The following FNDC3A variants were observed in gnomAD, a reference collection of about 807,000 sequenced individuals.
FNDC3A encodes the protein fibronectin type-III domain-containing protein 3A.
Under a neutral mutation model 148.9 loss-of-function variants are expected in FNDC3A, and 32 were observed. The ratio of observed to expected loss-of-function variants is 0.21; its 90% CI spans 0.16 to 0.29. The LOEUF (loss-of-function observed/expected upper bound fraction) is 0.29, where lower values mean the gene tolerates loss of function less well. Ranked by LOEUF, FNDC3A falls within the 10% of genes least tolerant of loss-of-function variation. FNDC3A has a pLI of 1.00. For missense variants in FNDC3A, 1,191 were observed against 1,452.8 expected (o/e 0.82, Z 2.93); for synonymous variants, 472 against 473.6 (o/e 1.00, Z 0.04).
chr13:49,161,137 CAG>C (rs1884082574), intron 8 of FNDC3A, among the ~76,000 whole-genome samples: 1 of 152,028 alleles, frequency 6.6e-6, no homozygotes, highest in Non-Finnish European at 1.5e-5. Flanking sequence ...CTATTAGGTC[CAG>C]TTGGTGCAGA....
At chr13:49,012,491 G>A (rs2137614229) in intron 2 of FNDC3A, among the ~76,000 whole-genome samples, 1 of 152,142 alleles carries the variant, frequency 6.6e-6, no homozygotes, top group South Asian at 2.1e-4. Flanking sequence ...TCTTTGAGAA[G>A]GTCTTGGTAT....
At chr13:49,073,790 T>TTA (rs567675321) in intron 2 of FNDC3A, among the ~76,000 whole-genome samples, 280 of 146,478 alleles carry the variant, frequency 1.9e-3, no homozygotes, top group Admixed American at 5.5e-3. Flanking sequence ...TGTGTATATA[T>TTA]TATATATATG....
chr13:49,188,550 A>G lies in FNDC3A; in HGVS notation c.1861A>G (p.Arg621Gly). 6.2e-7 allele frequency: 1 copy of G among 1,613,900 alleles called. No homozygotes were observed. ...KWEMIYSGAT[R>G]EHLCDRLNPG... ...GGAAATGATATACAGTGGTGCTACC[A>G]GGGAACATCTTTGTGATCGACTGAA... Residue 621 changes from arginine to glycine, a missense_variant, in exon 17 of 26, where the codon AGG becomes GGG. Coordinates refer to ENST00000492622, the MANE Select transcript of FNDC3A (RefSeq NM_001079673.2).
intron 8 of FNDC3A, among the ~76,000 whole-genome samples, chr13:49,158,012 A>C (rs563467913): frequency 3.3e-4 from 50 of 151,534 alleles, no homozygotes; most frequent in African/African-American, 1.0e-3. Context: ...GAGCCTACAG[A>C]GGCAGGCAGG....
At chr13:49,168,518 G>A (rs376719338) in intron 9 of FNDC3A, 95 bp from the exon 10 acceptor site, 3 of 736,706 alleles carry the variant, frequency 4.1e-6, no homozygotes, top group South Asian at 3.3e-5. Flanking sequence ...ACTTTTAGTG[G>A]ACACCTTCCT....
At chr13:49,144,586 TCA>T (rs1177052006) in intron 7 of FNDC3A, among the ~76,000 whole-genome samples, 2 of 152,242 alleles carry the variant, frequency 1.3e-5, no homozygotes, top group Non-Finnish European at 2.9e-5. Context: ...GGTACCTTTC[TCA>T]CCAATCTGTA....
At chr13:49,054,941 T>C (rs1298400455) in intron 2 of FNDC3A, among the ~76,000 whole-genome samples, 1 of 152,216 alleles carries the variant, frequency 6.6e-6, no homozygotes, top group African/African-American at 2.4e-5. Context: ...GAGGGTCTTT[T>C]AATGCTAAAC....
intron 2 of FNDC3A, among the ~76,000 whole-genome samples, chr13:49,025,466 A>C (rs1017606567): frequency 6.6e-6 from 1 of 152,102 alleles, no homozygotes; most frequent in African/African-American, 2.4e-5. Context: ...AGTAAGCATT[A>C]ATTTCAGTGT....
intron 11 of FNDC3A, among the ~76,000 whole-genome samples, chr13:49,172,400 C>A (rs1292426199): frequency 6.6e-6 from 1 of 152,094 alleles, no homozygotes; most frequent in Non-Finnish European, 1.5e-5. Context: ...ACAAATTACC[C>A]CAAACCTGAC....
At chr13:49,073,497 A>G (rs1593551333) in intron 2 of FNDC3A, among the ~76,000 whole-genome samples, 1 of 151,924 alleles carries the variant, frequency 6.6e-6, no homozygotes, top group South Asian at 2.1e-4. Context: ...GGAGAATTCC[A>G]CACCCAACCT....
chr13:48,984,635 G>A (rs1048867837), intron 1 of FNDC3A, among the ~76,000 whole-genome samples: 6 of 152,098 alleles, frequency 3.9e-5, no homozygotes, highest in African/African-American at 7.2e-5. Flanking sequence ...TACCCACTTC[G>A]TGACACTCTC....
intron 8 of FNDC3A, among the ~76,000 whole-genome samples, chr13:49,155,496 G>T (rs1290797254): frequency 2.1e-5 from 3 of 144,050 alleles, no homozygotes; most frequent in Non-Finnish European, 4.6e-5. Flanking sequence ...ATTTTTTGAA[G>T]GGTTTTTTGT....
intron 3 of FNDC3A, among the ~76,000 whole-genome samples, chr13:49,079,190 C>T (rs961359675): frequency 4.6e-5 from 7 of 152,132 alleles, no homozygotes; most frequent in Non-Finnish European, 7.3e-5. Flanking sequence ...GTATAGCATA[C>T]ATTCTGGAAA....
chr13:49,141,873 T>C (rs1882710882), intron 7 of FNDC3A, among the ~76,000 whole-genome samples: 1 of 152,158 alleles, frequency 6.6e-6, no homozygotes, highest in Non-Finnish European at 1.5e-5. Flanking sequence ...TATTTTCAGC[T>C]ACCACCTAGA....
At chr13:49,178,525 A>G in intron 13 of FNDC3A, 43 bp from the exon 14 acceptor site, 3 of 1,191,390 alleles carry the variant, frequency 2.5e-6, no homozygotes, top group African/African-American at 1.5e-5. Flanking sequence ...CCATATTTCT[A>G]TTGTTAGACA....
chr13:49,090,741 C>T (rs1879135595), intron 3 of FNDC3A, among the ~76,000 whole-genome samples: 1 of 152,156 alleles, frequency 6.6e-6, no homozygotes, highest in Non-Finnish European at 1.5e-5. Context: ...GTGGCTCATG[C>T]CTGTAATCAC....
At chr13:49,140,580 T>G (rs1310686715) in intron 7 of FNDC3A, among the ~76,000 whole-genome samples, 1 of 152,194 alleles carries the variant, frequency 6.6e-6, no homozygotes, top group Non-Finnish European at 1.5e-5. Flanking sequence ...TTGCTTGTTT[T>G]TGTGTGTGTG....
chr13:49,170,096 G>C (rs1208162928), intron 10 of FNDC3A, among the ~76,000 whole-genome samples: 1 of 152,104 alleles, frequency 6.6e-6, no homozygotes. Flanking sequence ...ATAAGATGTA[G>C]GTGGTGGTAC....
At chr13:49,053,005 G>A (rs1875957296) in intron 2 of FNDC3A, among the ~76,000 whole-genome samples, 1 of 152,158 alleles carries the variant, frequency 6.6e-6, no homozygotes, top group Non-Finnish European at 1.5e-5. Context: ...GTCTGGGAAA[G>A]CCGGCACTCA....
Sources: allele counts gnomAD v4.1 joint callset (sites outside exome capture counted in the v4.1 genomes callset), GRCh38; gene constraint gnomAD v4.1.1; transcripts MANE v1.5; gene names NCBI Gene and HGNC (gene_info 2026-07-23, HGNC 2026-07-21).